SLC28A1: variants seen among roughly 807,000 people sequenced by gnomAD.
The protein encoded by SLC28A1 is solute carrier family 28 member 1.
Under a neutral mutation model 74.8 loss-of-function variants are expected in SLC28A1, and 64 were observed. That is an observed-to-expected ratio of 0.86 (90% confidence interval 0.70 to 1.05). The LOEUF (loss-of-function observed/expected upper bound fraction) is 1.05. Among genes scored for constraint, SLC28A1 ranks in the 50% least tolerant of loss-of-function variants. The pLI, the probability that SLC28A1 is intolerant of heterozygous loss-of-function variation, is 0.00. For missense variants in SLC28A1, 828 were observed against 822.8 expected (o/e 1.01, Z -0.08); for synonymous variants, 359 against 335.0 (o/e 1.07, Z -0.78).
downstream of SLC28A1, among the ~76,000 whole-genome samples, chr15:84,946,083 T>TATATATATA (rs1321419859): frequency 0.024 from 853 of 36,084 alleles, 205 homozygotes; most frequent in Middle Eastern, 0.069. Context: ...TGTGTGTATG[T>TATATATATA]TCATATATAT....
chr15:84,915,673 T>C (rs1968981963), intron 9 of SLC28A1, among the ~76,000 whole-genome samples: 1 of 152,174 alleles, frequency 6.6e-6, no homozygotes, highest in African/African-American at 2.4e-5. Flanking sequence ...GCTCAGTCCT[T>C]ACCGTTCCAG....
downstream of SLC28A1, among the ~76,000 whole-genome samples, chr15:84,946,983 G>C (rs2142079151): frequency 6.6e-6 from 1 of 152,320 alleles, no homozygotes; most frequent in South Asian, 2.1e-4. Context: ...AGCTGGGGCT[G>C]ACCCTGACCT....
chr15:84,950,397 A>G (rs918645893), downstream of SLC28A1, among the ~76,000 whole-genome samples: 2 of 145,038 alleles, frequency 1.4e-5, no homozygotes, highest in South Asian at 4.4e-4. Flanking sequence ...AAAACTGACA[A>G]TCCAGCTGGG....
chr15:84,913,858 T>TTC (rs1968704861), intron 9 of SLC28A1, among the ~76,000 whole-genome samples: 1 of 140,192 alleles, frequency 7.1e-6, no homozygotes. Context: ...GGTTGAATTC[T>TTC]GTTGAGGCCC....
At chr15:84,967,784 T>A in the SLC28A1 span, among the ~76,000 whole-genome samples, 2 of 152,118 alleles carry the variant, frequency 1.3e-5, no homozygotes, top group Non-Finnish European at 2.9e-5. Context: ...GTGTCACTGT[T>A]CCTGGAAATA....
At chr15:84,928,398 C>T (rs1970743783) in intron 12 of SLC28A1, among the ~76,000 whole-genome samples, 2 of 151,852 alleles carry the variant, frequency 1.3e-5, no homozygotes, top group African/African-American at 4.8e-5. Context: ...AGTCACTGCA[C>T]CAGCCCTGTA....
intron 7 of SLC28A1, 72 bp from the exon 8 acceptor site, chr15:84,905,467 T>C (rs1966939481): frequency 1.9e-6 from 2 of 1,062,714 alleles, no homozygotes; most frequent in Non-Finnish European, 2.9e-6. Flanking sequence ...TGCCCCCTGC[T>C]CTCACCCCCA....
the SLC28A1 span, among the ~76,000 whole-genome samples, chr15:84,950,979 C>T: frequency 6.6e-6 from 1 of 152,172 alleles, no homozygotes; most frequent in Admixed American, 6.5e-5. Flanking sequence ...TTTACAAAAA[C>T]AGGAGGCCAA....
chr15:84,970,985 C>T, the SLC28A1 span, among the ~76,000 whole-genome samples: 1 of 152,182 alleles, frequency 6.6e-6, no homozygotes, highest in Non-Finnish European at 1.5e-5. Flanking sequence ...ATGAGAAGTT[C>T]AAGGGCACAG....
intron 9 of SLC28A1, among the ~76,000 whole-genome samples, chr15:84,916,419 T>A (rs575562843): frequency 2.0e-5 from 3 of 151,380 alleles, no homozygotes; most frequent in Admixed American, 6.6e-5. Context: ...TAAAAAAAAA[T>A]TTGTTTATGT....
chr15:84,967,497 C>T, the SLC28A1 span, among the ~76,000 whole-genome samples: 5 of 152,232 alleles, frequency 3.3e-5, no homozygotes, highest in Non-Finnish European at 5.9e-5. Flanking sequence ...TATTTTGCCA[C>T]TTCTTGCCAA....
intron 9 of SLC28A1, among the ~76,000 whole-genome samples, chr15:84,914,279 C>T (rs1323790081): frequency 6.6e-6 from 1 of 152,198 alleles, no homozygotes; most frequent in Non-Finnish European, 1.5e-5. Flanking sequence ...TTCATGAGGG[C>T]TCCACCCTCA....
At chr15:84,907,670 T>A (rs1836663921) in intron 8 of SLC28A1, among the ~76,000 whole-genome samples, 2 of 152,192 alleles carry the variant, frequency 1.3e-5, no homozygotes, top group Non-Finnish European at 2.9e-5. Flanking sequence ...TACACCTGGC[T>A]AATTTTTGTA....
intron 9 of SLC28A1, among the ~76,000 whole-genome samples, chr15:84,918,110 TG>T (rs1049198762): frequency 1.3e-5 from 2 of 152,136 alleles, no homozygotes; most frequent in Non-Finnish European, 2.9e-5. Context: ...GGCCAGAGTC[TG>T]AGGCCAAGGA....
rs1020215301 is a variant in SLC28A1 at position 84,887,659 on chromosome 15, A to G, written c.-16-86A>G. 76 of 1,567,308 alleles carry G rather than the reference A, an allele frequency of 4.8e-5. No homozygotes were observed. The African/African-American group carries it at 9.6e-4, about 20-fold the overall frequency. Reference sequence around the variant, plus strand: ...TGCCAGGCATCTGCTCCCCCCACTCAGTCCTCTCCCCTTTCCCCGGGCCCC... The same window carrying G: ...TGCCAGGCATCTGCTCCCCCCACTCGGTCCTCTCCCCTTTCCCCGGGCCCC... On this transcript the variant is annotated intron_variant, in intron 2 of 18. Transcript: ENST00000394573.
chr15:84,935,661 T>C, intron 15 of SLC28A1, 143 bp downstream of exon 15: 1 of 709,626 alleles, frequency 1.4e-6, no homozygotes, highest in Non-Finnish European at 2.4e-6. Flanking sequence ...CCTGTAGTCC[T>C]GGGAGACAGG....
chr15:84,952,204 A>G, the SLC28A1 span, among the ~76,000 whole-genome samples: 1 of 152,162 alleles, frequency 6.6e-6, no homozygotes, highest in Non-Finnish European at 1.5e-5. Flanking sequence ...TTATGTTGAG[A>G]GCAAAAAAGA....
chr15:84,944,055 C>G (rs1973019141), intron 16 of SLC28A1, among the ~76,000 whole-genome samples: 1 of 152,248 alleles, frequency 6.6e-6, no homozygotes, highest in African/African-American at 2.4e-5. Flanking sequence ...TGGTGCTTGC[C>G]TGTCCCCAAG....
At chr15:84,923,893 T>C in intron 11 of SLC28A1, 92 bp from the exon 12 acceptor site, 1 of 1,564,968 alleles carries the variant, frequency 6.4e-7, no homozygotes, top group Non-Finnish European at 8.8e-7. Flanking sequence ...CCTCTTACCG[T>C]GGGACTCCCA....
Sources: allele counts gnomAD v4.1 joint callset (sites outside exome capture counted in the v4.1 genomes callset), GRCh38; gene constraint gnomAD v4.1.1; transcripts MANE v1.5; gene names NCBI Gene and HGNC (gene_info 2026-07-23, HGNC 2026-07-21).